The following PROSER2 variants were observed in gnomAD, a reference collection of about 807,000 sequenced individuals.
The protein encoded by PROSER2 is proline and serine-rich protein 2.
In PROSER2, 18 loss-of-function variants were observed where a neutral mutation model predicts 14.6. That is an observed-to-expected ratio of 1.23 (90% CI 0.85 to 1.83). The LOEUF (loss-of-function observed/expected upper bound fraction) is 1.83. Among genes scored for constraint, PROSER2 ranks in the 40% most tolerant of loss-of-function variants. PROSER2 has a pLI of 0.00. For missense variants in PROSER2, 823 were observed against 629.8 expected (o/e 1.31, Z -3.28); for synonymous variants, 367 against 286.4 (o/e 1.28, Z -2.84).
intron 2 of PROSER2, among the ~76,000 whole-genome samples, chr10:11,861,327 AT>A (rs1405038846): frequency 6.6e-6 from 1 of 152,050 alleles, no homozygotes; most frequent in Non-Finnish European, 1.5e-5. Context: ...CCGTGTTTCC[AT>A]CACACCCCAG....
In PROSER2 at chr10:11,841,036, G is replaced by A. The variant is rs573378228; in HGVS notation, c.-81-10961G>A. Reference sequence around the variant, plus strand: ...CTCTTCTCTGGAAAAGTTTGTGTAAGGTTGGAGTTATTTGTTCCTTGAATG... The same window carrying A: ...CTCTTCTCTGGAAAAGTTTGTGTAAAGTTGGAGTTATTTGTTCCTTGAATG... On this transcript the variant is annotated intron_variant, in intron 1 of 3. Coordinates refer to ENST00000277570, the MANE Select transcript of PROSER2 (RefSeq NM_153256.4). 4.0e-4 allele frequency among the ~76,000 whole-genome samples: 56 copies of A among 138,494 alleles called. No individual in the cohort carries two copies. In the South Asian group the frequency reaches 0.013, roughly 31 times the overall value. The allele number at this position is 138,494 out of a possible 152,430, so 90.9% of individuals were successfully genotyped here.
chr10:11,864,977 C>T (rs1037678250), intron 2 of PROSER2, among the ~76,000 whole-genome samples: 1 of 152,178 alleles, frequency 6.6e-6, no homozygotes, highest in Non-Finnish European at 1.5e-5. Context: ...TCTGAAATGT[C>T]ACAATGATGC....
chr10:11,826,491 T>C (rs920116477), intron 1 of PROSER2, among the ~76,000 whole-genome samples: 1 of 152,240 alleles, frequency 6.6e-6, no homozygotes, highest in African/African-American at 2.4e-5. Context: ...GTGTTCCCAC[T>C]AGCAACGTGT....
chr10:11,842,628 G>A (rs907490969), intron 1 of PROSER2, among the ~76,000 whole-genome samples: 5 of 151,954 alleles, frequency 3.3e-5, no homozygotes, highest in South Asian at 2.1e-4. Flanking sequence ...ACATTTACTC[G>A]CATTTTTAGT....
intron 1 of PROSER2, among the ~76,000 whole-genome samples, chr10:11,846,939 G>A (rs919626188): frequency 2.6e-5 from 4 of 151,482 alleles, no homozygotes; most frequent in Admixed American, 1.3e-4. Flanking sequence ...GGGTGGGGTC[G>A]GGGGGCATCT....
chr10:11,861,584 G>A (rs137979194), intron 2 of PROSER2, among the ~76,000 whole-genome samples: 1 of 152,306 alleles, frequency 6.6e-6, no homozygotes, highest in African/African-American at 2.4e-5. Context: ...TGCCTTAGAA[G>A]CCGACATAGG....
chr10:11,851,839 C>T (rs1208877818), intron 1 of PROSER2, 158 bp from the exon 2 acceptor site: 3 of 361,790 alleles, frequency 8.3e-6, no homozygotes, highest in African/African-American at 2.1e-5. Flanking sequence ...ACATGGCAGT[C>T]AGCATCCTCA....
In PROSER2 at chr10:11,866,465, G is replaced by C; in HGVS notation, c.139-66G>C. ...GTGGACCAATCCCAACTTTGCTTCAGCTTTTGTCTCTTTAGTGAAGCCAGT... is the reference window on the plus strand; with the variant it reads ...GTGGACCAATCCCAACTTTGCTTCACCTTTTGTCTCTTTAGTGAAGCCAGT... On this transcript the variant is annotated intron_variant, in intron 2 of 3. Coordinates refer to ENST00000277570, the MANE Select transcript of PROSER2 (RefSeq NM_153256.4). The surrounding 1 kb of genome is among the most constrained non-coding windows in gnomAD (Gnocchi z 6.0). 1 of 1,583,344 alleles carries C rather than the reference G, an allele frequency of 6.3e-7. No individual in the cohort carries two copies. Among genetic ancestry groups the C allele is most frequent in the Non-Finnish European group, 8.6e-7 (1 of 1,162,942 alleles).
In PROSER2 at chr10:11,866,433, C is replaced by T. The variant is rs1202122911; in HGVS notation, c.139-98C>T. ...CTCTCGGGACACAGTGAGTTCCGCCCTGGGCTGTGGACCAATCCCAACTTT... is the reference window on the plus strand; with the variant it reads ...CTCTCGGGACACAGTGAGTTCCGCCTTGGGCTGTGGACCAATCCCAACTTT... On this transcript the variant is annotated intron_variant, in intron 2 of 3. Transcript: ENST00000277570. This position sits in a 1 kb window ranked among gnomAD's most constrained non-coding sequence, Gnocchi z 6.0. The T allele has an allele frequency of 6.8e-7, 1 of 1,467,606 alleles. No individual in the cohort carries two copies. Among genetic ancestry groups the T allele is most frequent in the African/African-American group, 1.4e-5 (1 of 72,186 alleles). 90.9% of individuals were successfully genotyped at this position (1,467,606 alleles called of 1,614,324 possible).
chr10:11,826,521 CA>C (rs1833615746), intron 1 of PROSER2, among the ~76,000 whole-genome samples: 1 of 152,226 alleles, frequency 6.6e-6, no homozygotes, highest in Non-Finnish European at 1.5e-5. Context: ...AATTTCTCGA[CA>C]TCCTTGTCAA....
At position 11,865,353 on chromosome 10, in the gene PROSER2, C is replaced by A. The variant is rs942177672; in HGVS notation, c.139-1178C>A. On this transcript the variant is annotated intron_variant, in intron 2 of 3. Coordinates refer to ENST00000277570, the MANE Select transcript of PROSER2 (RefSeq NM_153256.4). The surrounding 1 kb of genome is among the most constrained non-coding windows in gnomAD (Gnocchi z 4.2). ...TCATGCTGTTTATGGATTCAGTATCCCCTCTTATCTGACAACTGATGATAG... is the reference window on the plus strand; with the variant it reads ...TCATGCTGTTTATGGATTCAGTATCACCTCTTATCTGACAACTGATGATAG... 6.6e-6 allele frequency among the ~76,000 whole-genome samples: 1 copy of A among 151,914 alleles called. No homozygotes were observed. The highest frequency in any genetic ancestry group is 2.4e-5 in the African/African-American group (1 of 41,330).
rs1340438290 is a variant in PROSER2 at position 11,866,207 on chromosome 10, G to C, written c.139-324G>C. 6.6e-6 allele frequency among the ~76,000 whole-genome samples: 1 copy of C among 152,222 alleles called. No individual in the cohort carries two copies. Among genetic ancestry groups the C allele is most frequent in the Non-Finnish European group, 1.5e-5 (1 of 68,034 alleles). ...GTTTCCCGTGATTATGGAAAAACAA[G>C]TGTGTTGGATAGCCGTAGGCTGACT... is the stretch of plus-strand genomic sequence containing the variant. On this transcript the variant is annotated intron_variant, in intron 2 of 3. Transcript: ENST00000277570. This position sits in a 1 kb window ranked among gnomAD's most constrained non-coding sequence, Gnocchi z 6.0.
At chr10:11,867,307 G>T (rs1834373469) in intron 3 of PROSER2, among the ~76,000 whole-genome samples, 1 of 142,482 alleles carries the variant, frequency 7.0e-6, no homozygotes, top group African/African-American at 2.6e-5. Flanking sequence ...GGGCACATAA[G>T]CAGAGTTTAC....
intron 2 of PROSER2, among the ~76,000 whole-genome samples, chr10:11,859,752 T>C (rs896269047): frequency 3.9e-5 from 6 of 152,224 alleles, no homozygotes; most frequent in Admixed American, 2.0e-4. Flanking sequence ...ACAAGTCACA[T>C]AGCATACAGT....
At chr10:11,860,201 T>A (rs969915842) in intron 2 of PROSER2, among the ~76,000 whole-genome samples, 1 of 152,188 alleles carries the variant, frequency 6.6e-6, no homozygotes, top group Non-Finnish European at 1.5e-5. Context: ...GTGCTTGGGA[T>A]ACACACCAGG....
At chr10:11,846,791 C>T (rs1379551636) in intron 1 of PROSER2, among the ~76,000 whole-genome samples, 1 of 152,164 alleles carries the variant, frequency 6.6e-6, no homozygotes, top group East Asian at 1.9e-4. Flanking sequence ...CCAGCTCTGT[C>T]ACGCAGGCCA....
intron 1 of PROSER2, among the ~76,000 whole-genome samples, chr10:11,835,070 G>GC (rs1436747948): frequency 6.0e-5 from 9 of 149,254 alleles, no homozygotes; most frequent in African/African-American, 2.2e-4. Context: ...TCATGCCACT[G>GC]CACTCCAGCC....
chr10:11,852,983 C>T (rs188836520), intron 2 of PROSER2, among the ~76,000 whole-genome samples: 1 of 152,276 alleles, frequency 6.6e-6, no homozygotes, highest in African/African-American at 2.4e-5. Flanking sequence ...TTAAGAGGAT[C>T]TCGTGCCTTC....
chr10:11,839,199 C>A (rs1194735350), intron 1 of PROSER2, among the ~76,000 whole-genome samples: 1 of 152,152 alleles, frequency 6.6e-6, no homozygotes, highest in East Asian at 1.9e-4. Context: ...GAGCAGGTCT[C>A]TACTCCACAC....
Sources: gnomAD v4.1 joint callset for allele counts (sites outside exome capture counted in the v4.1 genomes callset) on GRCh38, gnomAD v4.1.1 for gene constraint, Gnocchi (gnomAD v3.1) non-coding constraint, MANE v1.5 for transcripts, NCBI Gene and HGNC (gene_info 2026-07-23, HGNC 2026-07-21) for gene names.